Variants in TJP3 observed in about 807,000 individuals in gnomAD.
TJP3 encodes tight junction protein ZO-3.
In TJP3, 85 loss-of-function variants were observed where a neutral mutation model predicts 104.2. The ratio of observed to expected loss-of-function variants is 0.82; its 90% CI spans 0.68 to 0.98. The LOEUF (loss-of-function observed/expected upper bound fraction) is 0.98, where lower values mean the gene tolerates loss of function less well. Ranked by LOEUF, TJP3 falls within the 50% of genes least tolerant of loss-of-function variation. The pLI, the probability that TJP3 is intolerant of heterozygous loss-of-function variation, is 0.00. For synonymous variants in TJP3, 550 were observed against 550.6 expected, an observed-to-expected ratio of 1.00 and a Z score of 0.02; for missense variants, 1,367 against 1,322.8, an observed-to-expected ratio of 1.03 and a Z score of -0.52.
chr19:3,726,029 T>TAGAGAC (rs1479128041), intron 1 of TJP3, among the ~76,000 whole-genome samples: 1 of 152,028 alleles, frequency 6.6e-6, no homozygotes, highest in African/African-American at 2.4e-5. Context: ...CTGGCCTCGC[T>TAGAGAC]AGAGACGCTG....
chr19:3,720,183 T>G (rs903991928), intron 1 of TJP3, among the ~76,000 whole-genome samples: 1 of 152,174 alleles, frequency 6.6e-6, no homozygotes, highest in Non-Finnish European at 1.5e-5. Flanking sequence ...AGAGCTGGTT[T>G]TAGAACTCTC....
rs369701308 is a variant in TJP3, at chr19:3,738,699, G to A, written c.1393+36G>A. 41 of 1,576,628 alleles carry A rather than the reference G, an allele frequency of 2.6e-5. 1 individual carries two copies. The highest frequency in any genetic ancestry group is 4.5e-5 in the South Asian group (4 of 89,492). On this transcript the variant is annotated intron_variant, in intron 12 of 20. Coordinates refer to ENST00000541714, the MANE Select transcript of TJP3 (RefSeq NM_001267560.2). The stretch of plus-strand genomic sequence containing the variant: ...GTGGATATGGGTGTGCCTGTGTGTT[G>A]CGGGGGGAGGACCTGGCTGTGTGGC...
At chr19:3,735,834 T>C (rs189378631) in intron 9 of TJP3, 35 bp from the exon 10 acceptor site, 7 of 1,613,486 alleles carry the variant, frequency 4.3e-6, no homozygotes, top group Non-Finnish European at 5.9e-6. Context: ...ACTGAGCCAG[T>C]GTGCTTGGGA....
chr19:3,709,094 AG>A (rs1283274958), intron 1 of TJP3, among the ~76,000 whole-genome samples: 2 of 152,008 alleles, frequency 1.3e-5, no homozygotes, highest in Admixed American at 1.3e-4. Flanking sequence ...CTTTGCAGGG[AG>A]GGATTGGGGT....
At chr19:3,721,849 A>C in intron 1 of TJP3, 1 of 1,187,260 alleles carries the variant, frequency 8.4e-7, no homozygotes, top group East Asian at 3.2e-5. Context: ...GACTGTTTCC[A>C]GGACCCCCTC....
At chr19:3,718,209 AAAAGT>A (rs1479221496) in intron 1 of TJP3, among the ~76,000 whole-genome samples, 10 of 103,182 alleles carry the variant, frequency 9.7e-5, no homozygotes, top group African/African-American at 3.3e-4. Context: ...AAAAAAAAAA[AAAAGT>A]GTGTGTGTGT....
intron 15 of TJP3, among the ~76,000 whole-genome samples, chr19:3,745,312 A>AT (rs965917006): frequency 6.6e-6 from 1 of 151,634 alleles, no homozygotes; most frequent in African/African-American, 2.4e-5. Context: ...TGCCCGGCTA[A>AT]TTTTTGTATT....
intron 1 of TJP3, among the ~76,000 whole-genome samples, chr19:3,717,635 C>T (rs1192336585): frequency 6.6e-6 from 1 of 150,784 alleles, no homozygotes; most frequent in African/African-American, 2.4e-5. Context: ...GGGTTTTGCC[C>T]TGTGGGCCAG....
chr19:3,738,431 G>A (rs1426754237), intron 11 of TJP3, 124 bp from the exon 12 acceptor site: 10 of 774,224 alleles, frequency 1.3e-5, no homozygotes, highest in Admixed American at 4.4e-5. Context: ...GGGAACTGCC[G>A]GGTCCCTTGG....
Position 3,747,876 on chromosome 19 carries a change from G to T in TJP3, c.2405G>T (p.Arg802Leu), listed in dbSNP as rs200778339. Reference sequence around the variant, plus strand: ...TCCGCTGACCTCAGCTGCGACAGCCGCGTTAACAGCGACTACGAGACGGAC... The same window carrying T: ...TCCGCTGACCTCAGCTGCGACAGCCTCGTTAACAGCGACTACGAGACGGAC... ...DSSADLSCDS[R>L]VNSDYETDGE... is the part of the protein sequence containing the mutation. The change falls in exon 19 of 21, where the codon CGC (arginine) becomes CTC (leucine). Residue 802 changes from arginine (R) to leucine (L), a missense_variant. Transcript: ENST00000541714. The T allele has an allele frequency of 6.2e-7, 1 of 1,612,976 alleles. No homozygotes were observed.
chr19:3,712,940 ACT>A (rs1308503256), intron 1 of TJP3, among the ~76,000 whole-genome samples: 2 of 123,378 alleles, frequency 1.6e-5, no homozygotes, highest in East Asian at 2.7e-4. Context: ...ACAGAGCAAG[ACT>A]CTGTCTCAAA....
At chr19:3,728,354 C>G (rs2036624275) in intron 1 of TJP3, 70 bp from the exon 2 acceptor site, 2 of 1,612,208 alleles carry the variant, frequency 1.2e-6, no homozygotes, top group Non-Finnish European at 8.5e-7. Flanking sequence ...CCACCCTGAG[C>G]TGGGGACCCC....
chr19:3,730,647 G>A lies in TJP3; in HGVS notation c.554G>A (p.Arg185Gln), dbSNP rs562880581. The stretch of plus-strand genomic sequence containing the variant: ...GTGTCCGGCTTTAAGCGGCTGCCAC[G>A]GCAGGACGTGCAGATGAAGCCTGTG... ...ALVSGFKRLPRQDVQMKPVKS... is the reference protein window; with the variant it reads ...ALVSGFKRLPQQDVQMKPVKS... The change falls in exon 5 of 21, where the codon CGG becomes CAG. Residue 185 changes from arginine to glutamine, a missense_variant. Transcript: ENST00000541714. This position sits in a 1 kb window ranked among gnomAD's most constrained non-coding sequence, Gnocchi z 7.3. 24 of 1,611,596 alleles carry A rather than the reference G, an allele frequency of 1.5e-5. No homozygotes were observed. Among genetic ancestry groups the A allele is most frequent in the Admixed American group, 1.2e-4 (7 of 60,004 alleles).
chr19:3,747,988 T>C lies in TJP3; in HGVS notation c.2517T>C (p.Ala839=), dbSNP rs1177456288. The change falls in exon 19 of 21, where the codon GCT becomes GCC. Residue 839 remains alanine, a synonymous_variant. Transcript: ENST00000541714. ...CGGATGTGGATGATGAGCCCCCGGCTCCAGCCCTGGCCCGGTCCTCGGAGC... is the reference window on the plus strand; with the variant it reads ...CGGATGTGGATGATGAGCCCCCGGCCCCAGCCCTGGCCCGGTCCTCGGAGC... ...PYTDVDDEPP[A]PALARSSEPV... is the part of the protein sequence containing the mutation. 6.2e-7 allele frequency: 1 copy of C among 1,611,912 alleles called. No homozygotes were observed.
chr19:3,745,221 C>G (rs968371449), intron 15 of TJP3, among the ~76,000 whole-genome samples: 2 of 143,134 alleles, frequency 1.4e-5, no homozygotes, highest in Non-Finnish European at 3.0e-5. Flanking sequence ...TCTCGACTCA[C>G]CGCAACCTCT....
intron 15 of TJP3, among the ~76,000 whole-genome samples, chr19:3,744,265 G>C (rs1023147148): frequency 6.6e-6 from 1 of 152,172 alleles, no homozygotes; most frequent in African/African-American, 2.4e-5. Flanking sequence ...ATTGCCAATT[G>C]AGGCAAAGTG....
In TJP3 at chr19:3,738,676, G is replaced by C. The variant is rs1381466866; in HGVS notation, c.1393+13G>C. ...AGGAAGCAGGACAGTGAGTGCGCGT[G>C]GATATGGGTGTGCCTGTGTGTTGCG... On this transcript the variant is annotated intron_variant, in intron 12 of 20. Transcript: ENST00000541714. 6.2e-7 allele frequency: 1 copy of C among 1,606,984 alleles called. No individual in the cohort carries two copies. Among genetic ancestry groups the C allele is most frequent in the East Asian group, 2.2e-5 (1 of 44,812 alleles).
chr19:3,750,318 C>A, intron 20 of TJP3, 134 bp downstream of exon 20: 4 of 1,235,786 alleles, frequency 3.2e-6, no homozygotes, highest in Non-Finnish European at 4.6e-6. Context: ...CCTGCCAGAG[C>A]CTCTCTAAGC....
intron 14 of TJP3, among the ~76,000 whole-genome samples, chr19:3,741,155 C>G (rs1213793490): frequency 6.6e-6 from 1 of 151,878 alleles, no homozygotes; most frequent in Non-Finnish European, 1.5e-5. Flanking sequence ...CGCCCATCAC[C>G]CCGCCCCCAG....
Sources: allele counts gnomAD v4.1 joint callset (sites outside exome capture counted in the v4.1 genomes callset), GRCh38; gene constraint gnomAD v4.1.1; non-coding constraint Gnocchi (gnomAD v3.1); transcripts MANE v1.5; gene names NCBI Gene and HGNC (gene_info 2026-07-23, HGNC 2026-07-21).